The following PEAK1 variants were observed in gnomAD, a reference collection of about 807,000 sequenced individuals.
PEAK1 encodes inactive tyrosine-protein kinase PEAK1.
PEAK1 carries 54 observed loss-of-function variants against 124.7 expected under a neutral mutation model. The observed-to-expected ratio is 0.43, with a 90% CI of 0.35 to 0.54. PEAK1 has a LOEUF of 0.54. Ranked by LOEUF, PEAK1 falls within the 20% of genes least tolerant of loss-of-function variation. The pLI is 0.01. For synonymous variants in PEAK1, 719 were observed against 760.0 expected (o/e 0.95, Z 0.89); for missense variants, 2,046 against 2,134.5 (o/e 0.96, Z 0.82).
chr15:77,361,263 T>C (rs1018514305), intron 2 of PEAK1, among the ~76,000 whole-genome samples: 1 of 152,080 alleles, frequency 6.6e-6, no homozygotes, highest in African/African-American at 2.4e-5. Flanking sequence ...GCAACATAAC[T>C]AGACTCCATC....
intron 1 of PEAK1, among the ~76,000 whole-genome samples, chr15:77,409,126 G>A (rs1257794866): frequency 6.6e-6 from 1 of 152,070 alleles, no homozygotes; most frequent in Non-Finnish European, 1.5e-5. Context: ...CTTCCCTTGC[G>A]ATAACAAAAC....
chr15:77,129,601 A>AT (rs11411981), intron 9 of PEAK1, among the ~76,000 whole-genome samples: 44,431 of 139,304 alleles, frequency 0.32, 7,329 homozygotes, highest in Non-Finnish European at 0.37. Flanking sequence ...ATGACTGGCT[A>AT]TTTTTTTTTT....
intron 2 of PEAK1, chr15:77,347,037 G>A (rs2066913962): frequency 3.7e-6 from 1 of 269,348 alleles, no homozygotes; most frequent in Admixed American, 6.5e-5. Flanking sequence ...TAAATGACAA[G>A]AAGAATCCAG....
intron 2 of PEAK1, among the ~76,000 whole-genome samples, chr15:77,341,590 C>G (rs918501724): frequency 6.6e-6 from 1 of 152,078 alleles, no homozygotes; most frequent in Non-Finnish European, 1.5e-5. Flanking sequence ...AAATCATTAG[C>G]CACACGACTG....
rs141864904 is a variant in PEAK1, at chr15:77,402,489, T to C, written c.-666+17517A>G. ...TGCCATATTTTCTCAATATTTAAAA[T>C]ATTACATGTTAAAATTATTAGTATA... On this transcript the variant is annotated intron_variant, in intron 1 of 9. Coordinates refer to ENST00000682557, the MANE Select transcript of PEAK1 (RefSeq NM_001385026.1). 846 of 973,024 alleles carry C rather than the reference T, an allele frequency of 8.7e-4. 9 individuals carry two copies. In the African/African-American group the frequency reaches 0.012, roughly 14 times the overall value. The allele number at this position is 973,024 out of a possible 1,614,324, so 60.3% of individuals were successfully genotyped here. A position where few individuals can be genotyped will look rare whatever the true frequency, so the allele number is the denominator to read the frequency against.
At chr15:77,175,068 G>A (rs1596469463) in intron 7 of PEAK1, among the ~76,000 whole-genome samples, 1 of 151,758 alleles carries the variant, frequency 6.6e-6, no homozygotes, top group Middle Eastern at 3.4e-3. Flanking sequence ...GCTGAAACTG[G>A]ATCCCTTCCT....
At chr15:77,253,516 G>A (rs1251873940) in intron 5 of PEAK1, among the ~76,000 whole-genome samples, 1 of 152,112 alleles carries the variant, frequency 6.6e-6, no homozygotes, top group African/African-American at 2.4e-5. Flanking sequence ...TGATATCACT[G>A]CCTTTCAGCT....
chr15:77,133,892 G>A lies in PEAK1; in HGVS notation c.3332-142C>T. 1.0e-6 allele frequency: 1 copy of A among 964,562 alleles called. No individual in the cohort carries two copies. The highest frequency in any genetic ancestry group is 2.0e-5 in the South Asian group (1 of 50,422). 59.8% of individuals were successfully genotyped at this position (964,562 alleles called of 1,614,324 possible). On this transcript the variant is annotated intron_variant, in intron 8 of 9. Coordinates refer to ENST00000682557, the MANE Select transcript of PEAK1 (RefSeq NM_001385026.1). This position sits in a 1 kb window ranked among gnomAD's most constrained non-coding sequence, Gnocchi z 4.2. ...AACTCTTTAGTTCAAAATGGGAAAA[G>A]AGAACAACCAAAGAACAAATACCTA...
intron 9 of PEAK1, among the ~76,000 whole-genome samples, chr15:77,131,847 G>A (rs1208218995): frequency 1.3e-5 from 2 of 152,090 alleles, no homozygotes; most frequent in Non-Finnish European, 1.5e-5. Context: ...GGAGGCCAAG[G>A]TGGGAGGATC....
chr15:77,191,286 G>A (rs1440800849), intron 6 of PEAK1, among the ~76,000 whole-genome samples: 2 of 152,078 alleles, frequency 1.3e-5, no homozygotes, highest in African/African-American at 2.4e-5. Flanking sequence ...TGCCTAACTC[G>A]AAGGCTGATT....
chr15:77,212,503 A>G (rs2058949845), intron 6 of PEAK1, among the ~76,000 whole-genome samples: 1 of 152,208 alleles, frequency 6.6e-6, no homozygotes, highest in South Asian at 2.1e-4. Context: ...CAACTCTGCT[A>G]TTTATACAAT....
At chr15:77,402,755 T>C (rs2071481655) in intron 1 of PEAK1, 1 of 985,290 alleles carries the variant, frequency 1.0e-6, no homozygotes, top group Non-Finnish European at 1.2e-6. Context: ...TAAAGCAGAC[T>C]TTCATACTGC....
intron 5 of PEAK1, among the ~76,000 whole-genome samples, chr15:77,254,991 G>A (rs938829089): frequency 2.6e-5 from 4 of 152,130 alleles, no homozygotes; most frequent in Non-Finnish European, 4.4e-5. Flanking sequence ...GTTTTAGATA[G>A]CATATAAACT....
At chr15:77,311,685 C>CAAAAAAAAAAAAAAAAAAA (rs11296386) in intron 2 of PEAK1, among the ~76,000 whole-genome samples, 8 of 85,846 alleles carry the variant, frequency 9.3e-5, no homozygotes, top group Non-Finnish European at 1.1e-4. Context: ...CCAACCCCCA[C>CAAAAAAAAAAAAAAAAAAA]AAAAAAAAAA....
intron 2 of PEAK1, among the ~76,000 whole-genome samples, chr15:77,357,446 T>G (rs1275886834): frequency 1.3e-5 from 2 of 152,184 alleles, no homozygotes; most frequent in Non-Finnish European, 2.9e-5. Flanking sequence ...CTAATTTTTG[T>G]ATTTTTAATA....
chr15:77,220,835 T>C (rs1214722690), intron 6 of PEAK1, among the ~76,000 whole-genome samples: 1 of 152,068 alleles, frequency 6.6e-6, no homozygotes, highest in Non-Finnish European at 1.5e-5. Context: ...GAGAATATTA[T>C]AGTTATTGAA....
At chr15:77,296,495 TCC>T (rs1420355763) in intron 2 of PEAK1, among the ~76,000 whole-genome samples, 1 of 151,572 alleles carries the variant, frequency 6.6e-6, no homozygotes, top group Non-Finnish European at 1.5e-5. Context: ...GCATCTGTAA[TCC>T]CAGCTACTTG....
Position 77,180,384 on chromosome 15 carries a change from T to A in PEAK1, c.1543A>T (p.Thr515Ser). The change falls in exon 7 of 10, where the codon ACA (threonine) becomes TCA (serine). Residue 515 changes from threonine (T) to serine (S), a missense_variant. Transcript: ENST00000682557. ...AAATGGGCACTTATTTGTCCTGGTG[T>A]CAATGAAGATGATGTAACTGGAGAG... ...PNSPVTSSSLTPGQISAHFQK... is the reference protein window; with the variant it reads ...PNSPVTSSSLSPGQISAHFQK... The A allele has an allele frequency of 6.2e-7, 1 of 1,614,142 alleles. No individual in the cohort carries two copies. Among genetic ancestry groups the A allele is most frequent in the Non-Finnish European group, 8.5e-7 (1 of 1,180,020 alleles).
chr15:77,408,633 C>T (rs1415993818), intron 1 of PEAK1, among the ~76,000 whole-genome samples: 1 of 152,100 alleles, frequency 6.6e-6, no homozygotes, highest in African/African-American at 2.4e-5. Flanking sequence ...TACTGTTTCT[C>T]CAATGCCTTA....
Sources: allele counts gnomAD v4.1 joint callset (sites outside exome capture counted in the v4.1 genomes callset), GRCh38; gene constraint gnomAD v4.1.1; non-coding constraint Gnocchi (gnomAD v3.1); transcripts MANE v1.5; gene names NCBI Gene and HGNC (gene_info 2026-07-23, HGNC 2026-07-21).